Variants in FAT2 observed in about 807,000 individuals in gnomAD.
FAT2 encodes FAT atypical cadherin 2, also known as protocadherin Fat 2.
In FAT2, 150 loss-of-function variants were observed where a neutral mutation model predicts 295.3. The ratio of observed to expected loss-of-function variants is 0.51; its 90% CI spans 0.44 to 0.58. FAT2 has a LOEUF of 0.58. FAT2 is among the 20% of genes least tolerant of loss of function. The pLI is 0.00. For synonymous variants in FAT2, 2,026 were observed against 2,150.3 expected, an observed-to-expected ratio of 0.94 and a Z score of 1.60; for missense variants, 4,868 against 5,442.7, an observed-to-expected ratio of 0.89 and a Z score of 3.32.
At position 151,505,932 on chromosome 5, in the gene FAT2, A is replaced by T. The variant is rs1189100914; in HGVS notation, c.12683T>A (p.Phe4228Tyr). 1 of 1,583,972 alleles carries T rather than the reference A, an allele frequency of 6.3e-7. No homozygotes were observed. Among genetic ancestry groups the T allele is most frequent in the African/African-American group, 1.4e-5 (1 of 73,266 alleles). The change falls in exon 24 of 24, where the codon TTC becomes TAC. Residue 4228 changes from phenylalanine (F) to tyrosine (Y), a missense_variant. This residue lies in a region of FAT2 where 492 missense variants were observed against 482.6 expected (regional missense o/e 1.02). Coordinates refer to ENST00000261800, the MANE Select transcript of FAT2 (RefSeq NM_001447.3). ...CCGCTTGTTTTCCATCTCCAGGGGGAAGGGGAAGCCCCCATAGAGGCCATT... is the reference window on the plus strand; with the variant it reads ...CCGCTTGTTTTCCATCTCCAGGGGGTAGGGGAAGCCCCCATAGAGGCCATT... Reference protein sequence around the residue: ...EPNGLYGGFPFPLEMENKRAP... With the variant: ...EPNGLYGGFPYPLEMENKRAP...
At chr5:151,592,444 T>C (rs981126356), upstream of FAT2, among the ~76,000 whole-genome samples, 3 of 151,790 alleles carry the variant, frequency 2.0e-5, no homozygotes, top group Admixed American at 6.6e-5. Flanking sequence ...TCCCCCCAGG[T>C]CTTGAAGCCC....
intron 1 of FAT2, 72 bp from the exon 2 acceptor site, chr5:151,569,023 G>T: frequency 7.1e-7 from 1 of 1,412,448 alleles, no homozygotes. Flanking sequence ...ATTCTTAACT[G>T]GAGGTGATTT....
At chr5:151,583,597 AT>A (rs1184309920) in intron 1 of FAT2, among the ~76,000 whole-genome samples, 1 of 152,200 alleles carries the variant, frequency 6.6e-6, no homozygotes, top group East Asian at 1.9e-4. Context: ...TAGTAGTAAT[AT>A]TCTATTTATT....
rs2127590759 is a variant in FAT2, at chr5:151,531,520, G to A, written c.9811+67C>T. On this transcript the variant is annotated intron_variant, in intron 14 of 23. Coordinates refer to ENST00000261800, the MANE Select transcript of FAT2 (RefSeq NM_001447.3). The surrounding 1 kb of genome is among the most constrained non-coding windows in gnomAD (Gnocchi z 5.7). ...TGCACAGGGTAGATACCCACACAGG[G>A]GAGGAACCCAGCGCTCCCAGAAACC... 1.9e-6 allele frequency: 3 copies of A among 1,592,162 alleles called. No individual in the cohort carries two copies. The highest frequency in any genetic ancestry group is 2.6e-6 in the Non-Finnish European group (3 of 1,168,386).
At chr5:151,564,794 C>T (rs139156888) in intron 2 of FAT2, among the ~76,000 whole-genome samples, 58 of 152,238 alleles carry the variant, frequency 3.8e-4, no homozygotes, top group African/African-American at 1.3e-3. Context: ...ATTTTTCGGC[C>T]GGGCATGGTG....
intron 3 of FAT2, among the ~76,000 whole-genome samples, chr5:151,560,643 C>T (rs946975141): frequency 6.6e-6 from 1 of 152,180 alleles, no homozygotes. Flanking sequence ...ACATAGTTTA[C>T]GATGTTATGC....
At chr5:151,576,064 TG>T (rs1453248567) in intron 1 of FAT2, among the ~76,000 whole-genome samples, 1 of 152,188 alleles carries the variant, frequency 6.6e-6, no homozygotes, top group African/African-American at 2.4e-5. Flanking sequence ...TCCACTCATC[TG>T]TAAGGCAGAG....
chr5:151,592,695 G>A (rs566854794), upstream of FAT2, among the ~76,000 whole-genome samples: 10 of 152,210 alleles, frequency 6.6e-5, no homozygotes, highest in South Asian at 4.2e-4. Flanking sequence ...CTCTGTCTCC[G>A]CATTTGTTAA....
At chr5:151,508,679 C>T (rs2127566270) in intron 22 of FAT2, among the ~76,000 whole-genome samples, 1 of 150,610 alleles carries the variant, frequency 6.6e-6, no homozygotes, top group Admixed American at 6.6e-5. Flanking sequence ...CATTGCACTG[C>T]AGCCTGGGCG....
intron 23 of FAT2, among the ~76,000 whole-genome samples, chr5:151,506,714 T>G (rs1163083515): frequency 6.6e-6 from 1 of 152,244 alleles, no homozygotes; most frequent in Non-Finnish European, 1.5e-5. Context: ...CACCCCCTTT[T>G]GAGCCAAAGA....
Position 151,544,153 on chromosome 5 carries a change from T to C in FAT2, c.6974A>G (p.Asn2325Ser), listed in dbSNP as rs146381949. 3,493 of 1,614,214 alleles carry C rather than the reference T, an allele frequency of 2.2e-3. 9 individuals are homozygous for C. Among genetic ancestry groups the C allele is most frequent in the Non-Finnish European group, 2.7e-3 (3,130 of 1,180,016 alleles). ...GSDVSKFFQI[N>S]GSTGEMSTVQ... ...TGTGGACATCTCCCCTGTGCTCCCA[T>C]TGATCTGGAAGAACTTGGAAACATC... The change falls in exon 10 of 24, where the codon AAT becomes AGT. Residue 2325 changes from asparagine (N) to serine (S), a missense_variant. Coordinates refer to ENST00000261800, the MANE Select transcript of FAT2 (RefSeq NM_001447.3).
Position 151,568,461 on chromosome 5 carries a change from G to A in FAT2, c.471C>T (p.Ile157=), listed in dbSNP as rs1758385320. The A allele has an allele frequency of 6.2e-7, 1 of 1,614,218 alleles. No individual in the cohort carries two copies. Among genetic ancestry groups the A allele is most frequent in the South Asian group, 1.1e-5 (1 of 91,078 alleles). ...GGCTCTTCAGGGGCATGTCCTCAGA[G>A]ATGGTGACTCTGTACGAAGGTGGAG... ...LFSPPSYRVT[I]SEDMPLKSPI... is the part of the protein sequence containing the mutation. The change falls in exon 2 of 24, where the codon ATC becomes ATT. Residue 157 remains isoleucine, a synonymous_variant. Coordinates refer to ENST00000261800, the MANE Select transcript of FAT2 (RefSeq NM_001447.3).
intron 21 of FAT2, chr5:151,511,106 A>C (rs1176557822): frequency 6.5e-6 from 1 of 152,700 alleles, no homozygotes; most frequent in Non-Finnish European, 1.5e-5. Flanking sequence ...GAGAACAGGG[A>C]GGAGGCTGGT....
chr5:151,539,885 A>G (rs1173771444), intron 11 of FAT2, among the ~76,000 whole-genome samples: 4 of 152,156 alleles, frequency 2.6e-5, no homozygotes, highest in African/African-American at 9.7e-5. Flanking sequence ...CCCTCACCAA[A>G]TGAAATTGCC....
Position 151,507,461 on chromosome 5 carries a change from G to T in FAT2, c.12210C>A (p.Cys4070Ter). 1 of 1,614,178 alleles carries T rather than the reference G, an allele frequency of 6.2e-7. No individual in the cohort carries two copies. Among genetic ancestry groups the T allele is most frequent in the Non-Finnish European group, 8.5e-7 (1 of 1,180,028 alleles). Residue 4070 changes from cysteine to a stop codon, truncating the protein, a stop_gained, in exon 23 of 24, where the codon TGC becomes TGA. Coordinates refer to ENST00000261800, the MANE Select transcript of FAT2 (RefSeq NM_001447.3). LOFTEE classifies it high-confidence loss of function. ...CAGGCTTGTGAGACTTGCAACGGCG[G>T]CAGTAGAAGAGAAGCCCGACAGTGC... ...IISTVGLLFY[C>*]RRCKSHKPVA...
At chr5:151,506,495 A>G (rs1421836873) in intron 23 of FAT2, among the ~76,000 whole-genome samples, 1 of 152,224 alleles carries the variant, frequency 6.6e-6, no homozygotes, top group African/African-American at 2.4e-5. Context: ...GATGGAGTCT[A>G]TCATGGAGAG....
intron 1 of FAT2, among the ~76,000 whole-genome samples, chr5:151,575,013 A>G (rs576689838): frequency 2.2e-3 from 342 of 152,346 alleles, no homozygotes; most frequent in African/African-American, 7.8e-3. Context: ...TGACAGGTGA[A>G]AGCACAGGGA....
In FAT2 at chr5:151,566,566, T is replaced by C. The variant is rs775691365; in HGVS notation, c.2366A>G (p.Asn789Ser). ...TGTGCCCAGGTCATATACTGTTACA[T>C]TGAGGATGTAGAAATTGGTGGCTTC... is the stretch of plus-strand genomic sequence containing the variant. ...DYEATNFYILNVTVYDLGTPQ... is the reference protein window; with the variant it reads ...DYEATNFYILSVTVYDLGTPQ... Residue 789 changes from asparagine to serine, a missense_variant, in exon 2 of 24, where the codon AAT becomes AGT. Physicochemically the swap from Asn to Ser is conservative, Grantham distance 46. This residue lies in a region of FAT2 where 3,297 missense variants were observed against 3,669.4 expected (regional missense o/e 0.90). Coordinates refer to ENST00000261800, the MANE Select transcript of FAT2 (RefSeq NM_001447.3). The C allele has an allele frequency of 1.4e-5, 23 of 1,613,996 alleles. No homozygotes were observed. Among genetic ancestry groups the C allele is most frequent in the Admixed American group, 8.3e-5 (5 of 60,002 alleles).
In FAT2 at chr5:151,543,319, G is replaced by A. The variant is rs372313673; in HGVS notation, c.7808C>T (p.Pro2603Leu). The change falls in exon 10 of 24, where the codon CCG (proline) becomes CTG (leucine). Residue 2603 changes from proline to leucine, a missense_variant. This residue lies in a region of FAT2 where 3,297 missense variants were observed against 3,669.4 expected (regional missense o/e 0.90). Transcript: ENST00000261800. ...SIQSNVSKDS[P>L]VIQVLAYDAD... is the part of the protein sequence containing the mutation. ...ATCATAGGCCAACACCTGGATAACC[G>A]GAGAGTCTTTACTGACATTGGATTG... 37 of 1,614,016 alleles carry A rather than the reference G, an allele frequency of 2.3e-5. No individual in the cohort carries two copies. Among genetic ancestry groups the A allele is most frequent in the Admixed American group, 8.3e-5 (5 of 60,000 alleles).
Sources: gnomAD v4.1 joint callset for allele counts (sites outside exome capture counted in the v4.1 genomes callset) on GRCh38, gnomAD v4.1.1 for gene constraint, gnomAD v4.1.1 regional missense constraint, Gnocchi (gnomAD v3.1) non-coding constraint, MANE v1.5 for transcripts, NCBI Gene and HGNC (gene_info 2026-07-23, HGNC 2026-07-21) for gene names.